Variants in SLC46A1 observed in about 807,000 individuals in gnomAD.
The protein encoded by SLC46A1 is solute carrier family 46 member 1, also known as proton-coupled folate transporter.
In SLC46A1, 17 loss-of-function variants were observed where a neutral mutation model predicts 32.1. That is an observed-to-expected ratio of 0.53 (90% CI 0.36 to 0.79). SLC46A1 has a LOEUF of 0.79. Among genes scored for constraint, SLC46A1 ranks in the 30% least tolerant of loss-of-function variants. The pLI, the probability that SLC46A1 is intolerant of heterozygous loss-of-function variation, is 0.00. For synonymous variants in SLC46A1, 240 were observed against 262.7 expected (o/e 0.91, Z 0.84); for missense variants, 517 against 588.2 (o/e 0.88, Z 1.25).
intron 2 of SLC46A1, 108 bp from the exon 3 acceptor site, chr17:28,402,429 C>A: frequency 1.2e-6 from 1 of 866,896 alleles, no homozygotes; most frequent in Non-Finnish European, 1.8e-6. Context: ...TAGGTTAGAC[C>A]CAGGAAGAAC....
Position 28,395,924 on chromosome 17 carries a change from G to A in SLC46A1, c.*3732C>T, listed in dbSNP as rs1555587723. The A allele has an allele frequency of 6.2e-7, 1 of 1,613,796 alleles. No individual in the cohort carries two copies. The highest frequency in any genetic ancestry group is 1.3e-5 in the African/African-American group (1 of 74,924). On this transcript the variant is annotated 3_prime_UTR_variant, in exon 5 of 5. Coordinates refer to ENST00000612814, the MANE Select transcript of SLC46A1 (RefSeq NM_080669.6). Reference sequence around the variant, plus strand: ...CTCCAGGAGATTGTGACTGCTTTAAGCTGCGGCAAGAACATTGTGCCCATC... The same window carrying A: ...CTCCAGGAGATTGTGACTGCTTTAAACTGCGGCAAGAACATTGTGCCCATC...
Position 28,395,710 on chromosome 17 carries a change from A to G in SLC46A1, c.*3946T>C, listed in dbSNP as rs2068112713. The G allele has an allele frequency of 3.4e-6, 2 of 587,314 alleles. No individual in the cohort carries two copies. The highest frequency in any genetic ancestry group is 6.0e-6 in the Non-Finnish European group (2 of 334,208). 36.4% of individuals were successfully genotyped at this position (587,314 alleles called of 1,614,324 possible). On this transcript the variant is annotated 3_prime_UTR_variant, in exon 5 of 5. Transcript: ENST00000612814. ...CCAAGGGTTTTAGCAGCTCTGTGCC[A>G]GGAACTCTGGGCAAAGGAAAAATAT...
chr17:28,396,607 T>G lies in SLC46A1; in HGVS notation c.*3049A>C. 1 of 316,654 alleles carries G rather than the reference T, an allele frequency of 3.2e-6. No homozygotes were observed. The highest frequency in any genetic ancestry group is 5.9e-6 in the Non-Finnish European group (1 of 168,594). 19.6% of individuals were successfully genotyped at this position (316,654 alleles called of 1,614,324 possible). A position where few individuals can be genotyped will look rare whatever the true frequency, so the allele number is the denominator to read the frequency against. ...AGTTGGGGTGGGGGTGGTTCTGCATTCCCTTCTCCTGCTGATAGCAGTCAG... is the reference window on the plus strand; with the variant it reads ...AGTTGGGGTGGGGGTGGTTCTGCATGCCCTTCTCCTGCTGATAGCAGTCAG... On this transcript the variant is annotated 3_prime_UTR_variant, in exon 5 of 5. Transcript: ENST00000612814.
intron 4 of SLC46A1, 184 bp from the exon 5 acceptor site, chr17:28,399,897 C>CTTT: frequency 5.9e-6 from 3 of 506,798 alleles, no homozygotes; most frequent in East Asian, 3.5e-5. Flanking sequence ...TGGAAAATAA[C>CTTT]TTTTTTTTTT....
intron 3 of SLC46A1, 178 bp from the exon 4 acceptor site, chr17:28,400,944 C>T (rs41297111): frequency 0.013 from 8,728 of 646,742 alleles, 101 homozygotes; most frequent in Non-Finnish European, 0.018. Flanking sequence ...CATATGTGGA[C>T]AGTAGCTGGC....
In SLC46A1 at chr17:28,405,367, A is replaced by G. The variant is rs782227130; in HGVS notation, c.330T>C (p.Ser110=). 19 of 1,584,884 alleles carry G rather than the reference A, an allele frequency of 1.2e-5. No individual in the cohort carries two copies. The highest frequency in any genetic ancestry group is 2.3e-5 in the East Asian group (1 of 43,240). ...SSTLLGAWSD[S]VGRRPLLVLA... is the part of the protein sequence containing the mutation. ...GCACTAGCAGCGGGCGGCGGCCCAC[A>G]CTGTCGCTCCAAGCTCCCAGCAGGG... The change falls in exon 2 of 5, where the codon AGT becomes AGC. Residue 110 remains serine, a synonymous_variant. Coordinates refer to ENST00000612814, the MANE Select transcript of SLC46A1 (RefSeq NM_080669.6).
chr17:28,405,417 A>G lies in SLC46A1; in HGVS notation c.280T>C (p.Phe94Leu). 6.3e-7 allele frequency: 1 copy of G among 1,591,450 alleles called. No individual in the cohort carries two copies. Among genetic ancestry groups the G allele is most frequent in the Non-Finnish European group, 8.5e-7 (1 of 1,169,640 alleles). ...GTGGACGAGAAGAGCCCCACCAGGA[A>G]GCCGCCCACGTTCATGTAGAGGGTC... ...HWTLYMNVGGFLVGLFSSTLL... is the reference protein window; with the variant it reads ...HWTLYMNVGGLLVGLFSSTLL... Residue 94 changes from phenylalanine to leucine, a missense_variant, in exon 2 of 5, where the codon TTC becomes CTC. Physicochemically the swap from Phe to Leu is conservative, Grantham distance 22 (BLOSUM62 0). Coordinates refer to ENST00000612814, the MANE Select transcript of SLC46A1 (RefSeq NM_080669.6).
chr17:28,406,302 C>T, upstream of SLC46A1: 2 of 457,618 alleles, frequency 4.4e-6, no homozygotes, highest in Non-Finnish European at 7.2e-6. The surrounding 1 kb of genome is among the most constrained non-coding windows in gnomAD (Gnocchi z 4.5). Flanking sequence ...GTGCACCTGG[C>T]TGGGCGTGGG....
chr17:28,402,229 G>T lies in SLC46A1; in HGVS notation c.1165+9C>A. 1 of 1,610,724 alleles carries T rather than the reference G, an allele frequency of 6.2e-7. No individual in the cohort carries two copies. The highest frequency in any genetic ancestry group is 8.5e-7 in the Non-Finnish European group (1 of 1,178,250). On this transcript the variant is annotated intron_variant, in intron 3 of 4. Coordinates refer to ENST00000612814, the MANE Select transcript of SLC46A1 (RefSeq NM_080669.6). ...GAGGAACCAGACACAGGTGGGTTCT[G>T]ACACTCACCCTGCTCTGTCTCTCTC...
At position 28,398,595 on chromosome 17, in the gene SLC46A1, G is replaced by C. The variant is rs958158025; in HGVS notation, c.*1061C>G. ...GGCTGGGCTGCAGCTGCTACCCCTC[G>C]GTTGGGGCTGAGTCAGCCAGATCCT... On this transcript the variant is annotated 3_prime_UTR_variant, in exon 5 of 5. Coordinates refer to ENST00000612814, the MANE Select transcript of SLC46A1 (RefSeq NM_080669.6). 4 of 152,678 alleles carry C rather than the reference G, an allele frequency of 2.6e-5. No individual in the cohort carries two copies. Among genetic ancestry groups the C allele is most frequent in the African/African-American group, 9.7e-5 (4 of 41,432 alleles). 9.5% of individuals were successfully genotyped at this position (152,678 alleles called of 1,614,324 possible).
chr17:28,402,868 T>G (rs1310612183), intron 2 of SLC46A1: 1 of 152,654 alleles, frequency 6.6e-6, no homozygotes, highest in Admixed American at 6.5e-5. Flanking sequence ...AATGAGTCTA[T>G]GCAGGTGTGC....
At chr17:28,400,927 G>C in intron 3 of SLC46A1, 161 bp from the exon 4 acceptor site, 1 of 704,964 alleles carries the variant, frequency 1.4e-6, no homozygotes, top group Non-Finnish European at 2.5e-6. Flanking sequence ...CAAGGATTCA[G>C]TAAGGTCATA....
At chr17:28,405,676 T>C (rs1407838755) in intron 1 of SLC46A1, 2 of 964,436 alleles carry the variant, frequency 2.1e-6, no homozygotes, top group East Asian at 2.6e-5. Flanking sequence ...CCCCCTTTTG[T>C]TAACCTGCAA....
intron 3 of SLC46A1, chr17:28,401,871 G>A (rs1044754741): frequency 6.1e-6 from 1 of 164,856 alleles, no homozygotes; most frequent in Non-Finnish European, 1.3e-5. Context: ...CATGTCACAA[G>A]GTTGTTCACT....
At position 28,395,585 on chromosome 17, in the gene SLC46A1, C is replaced by T. The variant is rs908290461; in HGVS notation, c.*4071G>A. The T allele has an allele frequency of 1.7e-4, 47 of 272,756 alleles. No homozygotes were observed. Among genetic ancestry groups the T allele is most frequent in the Non-Finnish European group, 3.0e-4 (42 of 141,792 alleles). 16.9% of individuals were successfully genotyped at this position (272,756 alleles called of 1,614,324 possible). On this transcript the variant is annotated 3_prime_UTR_variant, in exon 5 of 5. Transcript: ENST00000612814. ...GCCCTGGTCTCCCTGGTGACCAGCCCTCTTCCTGAAACTATCTAGGCTACC... is the reference window on the plus strand; with the variant it reads ...GCCCTGGTCTCCCTGGTGACCAGCCTTCTTCCTGAAACTATCTAGGCTACC...
At chr17:28,402,621 GCAGGGCA>G (rs2068210927) in intron 2 of SLC46A1, 2 of 266,754 alleles carry the variant, frequency 7.5e-6, no homozygotes. Context: ...TAGGGATATG[GCAGGGCA>G]CAGAAAACAA....
At position 28,396,042 on chromosome 17, in the gene SLC46A1, C is replaced by T; in HGVS notation, c.*3614G>A. ...ACGGTATCAAGTGAGCCCCAGGGCC[C>T]TGGGACCAGGGGGGTAGGGTACAAA... On this transcript the variant is annotated 3_prime_UTR_variant, in exon 5 of 5. Transcript: ENST00000612814. 6.2e-7 allele frequency: 1 copy of T among 1,613,862 alleles called. No individual in the cohort carries two copies. The highest frequency in any genetic ancestry group is 8.5e-7 in the Non-Finnish European group (1 of 1,179,820).
rs2068206979 is a variant in SLC46A1 at position 28,402,339 on chromosome 17, C to T, written c.1082-18G>A. The T allele has an allele frequency of 6.2e-7, 1 of 1,608,684 alleles. No individual in the cohort carries two copies. The highest frequency in any genetic ancestry group is 1.1e-5 in the South Asian group (1 of 90,094). ...CCCATATCCTGTGGAGAAACAAACA[C>T]TCATCAGGAAAATGGGGCTGGGGAG... On this transcript the variant is annotated intron_variant, in intron 2 of 4. Coordinates refer to ENST00000612814, the MANE Select transcript of SLC46A1 (RefSeq NM_080669.6).
intron 2 of SLC46A1, chr17:28,403,798 GC>G (rs1800535249): frequency 6.6e-6 from 1 of 152,202 alleles, no homozygotes; most frequent in Non-Finnish European, 1.5e-5. Flanking sequence ...GGATCCTTGA[GC>G]TCAGGAGTTA....
Sources: allele counts gnomAD v4.1 joint callset, GRCh38; gene constraint gnomAD v4.1.1; non-coding constraint Gnocchi (gnomAD v3.1); transcripts MANE v1.5; gene names NCBI Gene and HGNC (gene_info 2026-07-23, HGNC 2026-07-21).